The following XPA variants were observed in gnomAD, a reference collection of about 807,000 sequenced individuals.
XPA encodes DNA repair protein complementing XP-A cells.
In XPA, 27 loss-of-function variants were observed where a neutral mutation model predicts 35.7. That is an observed-to-expected ratio of 0.76 (90% CI 0.56 to 1.04). The LOEUF is 1.04. Among genes scored for constraint, XPA ranks in the 50% least tolerant of loss-of-function variants. XPA has a pLI of 0.00. For synonymous variants in XPA, 133 were observed against 118.4 expected, an observed-to-expected ratio of 1.12 and a Z score of -0.80; for missense variants, 354 against 342.7, an observed-to-expected ratio of 1.03 and a Z score of -0.26.
At chr9:97,656,803 A>G in the XPA span, among the ~76,000 whole-genome samples, 1 of 152,110 alleles carries the variant, frequency 6.6e-6, no homozygotes, top group East Asian at 1.9e-4. Flanking sequence ...TCCATTACAT[A>G]TCTTCCCAAA....
downstream of XPA, among the ~76,000 whole-genome samples, chr9:97,674,414 C>A (rs867075271): frequency 3.3e-5 from 5 of 151,922 alleles, no homozygotes; most frequent in South Asian, 2.1e-4. Flanking sequence ...CAAGCATAAT[C>A]TCCATTAAAG....
At chr9:97,661,452 A>G in the XPA span, among the ~76,000 whole-genome samples, 2 of 152,212 alleles carry the variant, frequency 1.3e-5, no homozygotes, top group Admixed American at 6.5e-5. Flanking sequence ...ATACCATGTA[A>G]TTCCAACCAG....
chr9:97,669,262 G>A, the XPA span, among the ~76,000 whole-genome samples: 1 of 151,584 alleles, frequency 6.6e-6, no homozygotes, highest in Non-Finnish European at 1.5e-5. Flanking sequence ...ATTCCTCATT[G>A]CTGATCATTT....
the XPA span, chr9:97,654,832 T>G: frequency 6.6e-7 from 1 of 1,505,816 alleles, no homozygotes; most frequent in Non-Finnish European, 9.2e-7. Flanking sequence ...TATTACAACT[T>G]ATTTGGGATA....
At chr9:97,690,819 G>A (rs1432602418) in intron 2 of XPA, among the ~76,000 whole-genome samples, 2 of 152,208 alleles carry the variant, frequency 1.3e-5, no homozygotes, top group African/African-American at 4.8e-5. Flanking sequence ...CACCGTGCCC[G>A]GCCCCTCTTC....
downstream of XPA, chr9:97,671,010 C>G: frequency 1.1e-6 from 1 of 908,286 alleles, no homozygotes; most frequent in South Asian, 1.6e-5. Context: ...CATGGGTGGG[C>G]TGCTGAAGGA....
chr9:97,689,695 T>C (rs1828827042), intron 2 of XPA, 56 bp from the exon 3 acceptor site: 1 of 1,019,550 alleles, frequency 9.8e-7, no homozygotes, highest in African/African-American at 1.6e-5. Context: ...ACAATATATT[T>C]TCCTCTATTT....
Position 97,685,967 on chromosome 9 carries a change from C to T in XPA, c.556-927G>A, listed in dbSNP as rs1828705654. Among the ~76,000 whole-genome samples, 3 of 152,162 alleles carry T rather than the reference C, an allele frequency of 2.0e-5. No individual in the cohort carries two copies. In the South Asian group the frequency reaches 6.2e-4, roughly 31 times the overall value. ...CAAACTATAATAAAGTCTAATGGCACTATTTCACCAAGTATAAAAAGCATC... is the reference window on the plus strand; with the variant it reads ...CAAACTATAATAAAGTCTAATGGCATTATTTCACCAAGTATAAAAAGCATC... On this transcript the variant is annotated intron_variant, in intron 4 of 5. Coordinates refer to ENST00000375128, the MANE Select transcript of XPA (RefSeq NM_000380.4).
the XPA span, chr9:97,664,249 C>T: frequency 4.5e-5 from 33 of 740,896 alleles, no homozygotes; most frequent in Admixed American, 8.2e-4. Flanking sequence ...TATAGCCCTC[C>T]TATTTTACTT....
intron 5 of XPA, among the ~76,000 whole-genome samples, chr9:97,677,522 T>C (rs1459307891): frequency 6.6e-6 from 1 of 151,832 alleles, no homozygotes; most frequent in Admixed American, 6.6e-5. Context: ...AATAAATAAA[T>C]AAAAAATTAA....
intron 1 of XPA, among the ~76,000 whole-genome samples, chr9:97,695,878 A>G (rs1829027943): frequency 6.6e-6 from 1 of 152,218 alleles, no homozygotes; most frequent in Admixed American, 6.5e-5. Flanking sequence ...AAGAATGTTC[A>G]TTCTACCTTG....
rs1401632522 is a variant in XPA, at chr9:97,684,926, T to C, written c.670A>G (p.Lys224Glu). The change falls in exon 5 of 6, where the codon AAA (lysine) becomes GAA (glutamate). Residue 224 changes from lysine (K) to glutamate (E), a missense_variant. By Grantham distance (56) the Lys-to-Glu change is moderately conservative. Coordinates refer to ENST00000375128, the MANE Select transcript of XPA (RefSeq NM_000380.4). ...MKQKKFDKKV[K>E]ELRRAVRSSV... is the part of the protein sequence containing the mutation. Reference sequence around the variant, plus strand: ...GATATAAAATGTGGCCATCTACCTTTTACTTTTTTATCAAATTTCTTCTGT... The same window carrying C: ...GATATAAAATGTGGCCATCTACCTTCTACTTTTTTATCAAATTTCTTCTGT... 6.2e-7 allele frequency: 1 copy of C among 1,612,846 alleles called. No homozygotes were observed. The highest frequency in any genetic ancestry group is 2.2e-5 in the East Asian group (1 of 44,796).
At chr9:97,671,028 C>A (rs2131373631), downstream of XPA, 2 of 1,170,448 alleles carry the variant, frequency 1.7e-6, no homozygotes, top group Middle Eastern at 2.0e-4. Context: ...GGAAATGTTC[C>A]ACAAGATTGC....
intron 5 of XPA, among the ~76,000 whole-genome samples, chr9:97,681,434 A>G (rs1389748227): frequency 6.6e-6 from 1 of 152,210 alleles, no homozygotes; most frequent in East Asian, 1.9e-4. Flanking sequence ...AGTCATAAAT[A>G]TAACCACAGG....
chr9:97,661,951 A>T, the XPA span: 1 of 820,370 alleles, frequency 1.2e-6, no homozygotes. Flanking sequence ...CTGTGTATAG[A>T]TGTGAGCAAC....
At chr9:97,668,729 C>CACTATAGAAT in the XPA span, 1 of 1,159,834 alleles carries the variant, frequency 8.6e-7, no homozygotes, top group Non-Finnish European at 1.2e-6. Context: ...GGGGTACTTT[C>CACTATAGAAT]ACTATAGAAT....
At chr9:97,666,421 G>A in the XPA span, among the ~76,000 whole-genome samples, 1 of 152,102 alleles carries the variant, frequency 6.6e-6, no homozygotes, top group African/African-American at 2.4e-5. Context: ...TTTACATTTA[G>A]GAGAGGAAAA....
Position 97,684,790 on chromosome 9 carries a change from G to C in XPA, c.673+133C>G, listed in dbSNP as rs144905740. 274 of 822,776 alleles carry C rather than the reference G, an allele frequency of 3.3e-4. 1 individual carries two copies. In the African/African-American group the frequency reaches 4.3e-3, roughly 13 times the overall value. 51.0% of individuals were successfully genotyped at this position (822,776 alleles called of 1,614,324 possible). On this transcript the variant is annotated intron_variant, in intron 5 of 5. Transcript: ENST00000375128. ...AAGACCAACATACTGAGGGCAAACTGTAAGTCATTTTTTTCAACCTCTAAA... is the reference window on the plus strand; with the variant it reads ...AAGACCAACATACTGAGGGCAAACTCTAAGTCATTTTTTTCAACCTCTAAA...
At chr9:97,690,560 G>C (rs1329179468) in intron 2 of XPA, among the ~76,000 whole-genome samples, 1 of 152,044 alleles carries the variant, frequency 6.6e-6, no homozygotes, top group African/African-American at 2.4e-5. Context: ...GTTAATTCTT[G>C]TATTTTTAGT....
Sources: allele counts gnomAD v4.1 joint callset (sites outside exome capture counted in the v4.1 genomes callset), GRCh38; gene constraint gnomAD v4.1.1; transcripts MANE v1.5; gene names NCBI Gene and HGNC (gene_info 2026-07-23, HGNC 2026-07-21).